TEKTL1: variants seen among roughly 807,000 people sequenced by gnomAD.
TEKTL1 encodes the protein tektin-like protein 1.
the TEKTL1 span, chr19:15,021,643 A>G: frequency 6.2e-7 from 1 of 1,614,120 alleles, no homozygotes; most frequent in Non-Finnish European, 8.5e-7. Flanking sequence ...GTTAGGACTG[A>G]TGAGGGGAAC....
At chr19:15,011,760 A>G in the TEKTL1 span, among the ~76,000 whole-genome samples, 4 of 138,784 alleles carry the variant, frequency 2.9e-5, no homozygotes, top group African/African-American at 1.1e-4. Flanking sequence ...AAATATTTCC[A>G]TAGAGAGAAC....
the TEKTL1 span, chr19:15,021,221 C>T: frequency 5.1e-6 from 6 of 1,187,796 alleles, no homozygotes; most frequent in African/African-American, 3.1e-5. Flanking sequence ...CCCCGCGCCC[C>T]CTGGACTTTC....
the TEKTL1 span, chr19:15,010,997 G>T: frequency 1.3e-6 from 2 of 1,591,116 alleles, no homozygotes; most frequent in South Asian, 2.3e-5. Context: ...GGACCCGAAC[G>T]TGGCCCACCA....
the TEKTL1 span, among the ~76,000 whole-genome samples, chr19:15,012,843 T>G: frequency 9.9e-5 from 15 of 151,594 alleles, no homozygotes; most frequent in Admixed American, 6.6e-5. Context: ...TGTGAGACCC[T>G]CAGTGCCCCA....
chr19:15,017,671 C>A, the TEKTL1 span, among the ~76,000 whole-genome samples: 1 of 152,224 alleles, frequency 6.6e-6, no homozygotes, highest in Non-Finnish European at 1.5e-5. Flanking sequence ...GCCAGCTCTC[C>A]ATGTTACAGT....
At chr19:15,021,673 T>C in the TEKTL1 span, 1 of 1,613,998 alleles carries the variant, frequency 6.2e-7, no homozygotes, top group South Asian at 1.1e-5. Flanking sequence ...GTGTACGAAA[T>C]ATAACCAAGA....
At chr19:15,014,090 G>A in the TEKTL1 span, among the ~76,000 whole-genome samples, 1 of 152,156 alleles carries the variant, frequency 6.6e-6, no homozygotes, top group South Asian at 2.1e-4. Context: ...CCCAGAGAGA[G>A]ACCTCACCTA....
At chr19:15,013,799 T>A in the TEKTL1 span, 1 of 1,519,498 alleles carries the variant, frequency 6.6e-7, no homozygotes, top group African/African-American at 1.4e-5. Flanking sequence ...TGTGGACAAG[T>A]TACGGGGGCT....
chr19:15,020,440 TCTC>T, the TEKTL1 span: 53 of 1,607,896 alleles, frequency 3.3e-5, no homozygotes, highest in South Asian at 1.5e-4. Context: ...CACTCTGTCT[TCTC>T]CTCCCCTCCC....
At chr19:15,016,356 A>C in the TEKTL1 span, among the ~76,000 whole-genome samples, 2 of 151,692 alleles carry the variant, frequency 1.3e-5, no homozygotes, top group Admixed American at 6.6e-5. Context: ...CACCCGGCTA[A>C]TTTTTGTATT....
the TEKTL1 span, chr19:15,022,784 C>T: frequency 3.6e-6 from 5 of 1,380,204 alleles, no homozygotes; most frequent in Non-Finnish European, 4.9e-6. Flanking sequence ...AGCTGTGTTC[C>T]TTACACACAC....
At chr19:15,013,852 C>G in the TEKTL1 span, 1 of 836,792 alleles carries the variant, frequency 1.2e-6, no homozygotes, top group Non-Finnish European at 2.0e-6. Context: ...CCACTCTGAC[C>G]TGGGGACTGT....
At chr19:15,022,830 C>T in the TEKTL1 span, 5 of 1,546,678 alleles carry the variant, frequency 3.2e-6, no homozygotes, top group Non-Finnish European at 4.4e-6. Context: ...GCCAGGTAGC[C>T]ATCTGCTCTG....
the TEKTL1 span, among the ~76,000 whole-genome samples, chr19:15,022,229 A>G: frequency 1.2e-4 from 18 of 152,236 alleles, no homozygotes; most frequent in African/African-American, 3.6e-4. Flanking sequence ...ACCCACTTCA[A>G]ATGGTGGTGG....
chr19:15,023,113 C>G, the TEKTL1 span: 5 of 1,593,050 alleles, frequency 3.1e-6, no homozygotes, highest in East Asian at 1.1e-4. Context: ...GCAGCGCGGA[C>G]CCCTAGTGAC....
chr19:15,018,041 C>T, the TEKTL1 span, among the ~76,000 whole-genome samples: 1 of 151,938 alleles, frequency 6.6e-6, no homozygotes, highest in Non-Finnish European at 1.5e-5. Flanking sequence ...AATAAAAGAA[C>T]AGGAAAGGGT....
At chr19:15,021,226 A>C in the TEKTL1 span, 1 of 1,235,790 alleles carries the variant, frequency 8.1e-7, no homozygotes, top group Non-Finnish European at 1.1e-6. Context: ...CGCCCCCTGG[A>C]CTTTCACCCA....
the TEKTL1 span, among the ~76,000 whole-genome samples, chr19:15,017,312 C>A: frequency 6.6e-6 from 1 of 151,888 alleles, no homozygotes; most frequent in African/African-American, 2.4e-5. Flanking sequence ...GAAAGGGGAG[C>A]CAGAGAAATG....
chr19:15,013,186 CG>C, the TEKTL1 span, among the ~76,000 whole-genome samples: 2 of 151,808 alleles, frequency 1.3e-5, no homozygotes, highest in Non-Finnish European at 2.9e-5. Context: ...TCCTGCCTCC[CG>C]GGGGAGAGAT....
Sources: gnomAD v4.1 joint callset for allele counts (sites outside exome capture counted in the v4.1 genomes callset) on GRCh38, gnomAD v4.1.1 for gene constraint, MANE v1.5 for transcripts, NCBI Gene and HGNC (gene_info 2026-07-23, HGNC 2026-07-21) for gene names.